NTSR1: variants seen among roughly 807,000 people sequenced by gnomAD.
NTSR1 encodes neurotensin receptor type 1.
Under a neutral mutation model 31.2 loss-of-function variants are expected in NTSR1, and 29 were observed. That is an observed-to-expected ratio of 0.93 (90% CI 0.69 to 1.27). NTSR1 has a LOEUF of 1.27. Ranked by LOEUF, NTSR1 falls within the 50% of genes most tolerant of loss-of-function variation. The probability of loss-of-function intolerance (pLI) is 0.00; values close to 1 mark genes in which losing one functional copy is unlikely to be tolerated. For missense variants in NTSR1, 697 were observed against 595.4 expected (o/e 1.17, Z -1.78); for synonymous variants, 282 against 269.9 (o/e 1.04, Z -0.44).
rs528517028 is a variant in NTSR1, at chr20:62,734,338, C to T, written c.715-20347C>T. Among the ~76,000 whole-genome samples, 102 of 152,026 alleles carry T rather than the reference C, an allele frequency of 6.7e-4. 1 individual carries two copies. Among genetic ancestry groups the T allele is most frequent in the African/African-American group, 2.3e-3 (95 of 41,488 alleles). ...AAATCTTGGCTCAGCTCTTGGGCTT[C>T]GGTGCAGTAGGGGCTTTGTGGCCGA... On this transcript the variant is annotated intron_variant, in intron 1 of 3. Transcript: ENST00000370501.
At chr20:62,735,037 GC>G (rs1989065295) in intron 1 of NTSR1, among the ~76,000 whole-genome samples, 1 of 152,308 alleles carries the variant, frequency 6.6e-6, no homozygotes, top group East Asian at 1.9e-4. Flanking sequence ...CCAGGCACCA[GC>G]CGGTGCTGAG....
intron 1 of NTSR1, among the ~76,000 whole-genome samples, chr20:62,712,627 G>A (rs555930432): frequency 9.2e-5 from 14 of 152,196 alleles, no homozygotes; most frequent in African/African-American, 3.4e-4. Flanking sequence ...CCTCCCAAAG[G>A]CCCCAGACCT....
At chr20:62,734,136 C>T (rs925881657) in intron 1 of NTSR1, among the ~76,000 whole-genome samples, 2 of 152,102 alleles carry the variant, frequency 1.3e-5, no homozygotes, top group Admixed American at 6.5e-5. Context: ...TTGTCCCCTG[C>T]GCAGCCTCCT....
intron 2 of NTSR1, among the ~76,000 whole-genome samples, chr20:62,756,904 T>C (rs755041597): frequency 2.0e-5 from 3 of 152,278 alleles, no homozygotes; most frequent in Non-Finnish European, 4.4e-5. Context: ...TTTGGAGAAA[T>C]GTCTGAGTCC....
At chr20:62,754,909 A>T (rs1989458534) in intron 2 of NTSR1, 23 bp downstream of exon 2, 1 of 1,562,288 alleles carries the variant, frequency 6.4e-7, no homozygotes, top group Non-Finnish European at 8.6e-7. Flanking sequence ...TGGGCCCTCC[A>T]GGGGCGGGAG....
rs538209291 is a variant in NTSR1, at chr20:62,736,936, C to CAA, written c.715-17749_715-17748insAA. Reference sequence around the variant, plus strand: ...TGGTTTTAGAAGCGTCTGGCGTTTGCCCTGCTGTCACTCACACCGTCCTGC... The same window carrying CAA: ...TGGTTTTAGAAGCGTCTGGCGTTTGCAACCTGCTGTCACTCACACCGTCCTGC... On this transcript the variant is annotated intron_variant, in intron 1 of 3. Transcript: ENST00000370501. Among the ~76,000 whole-genome samples the CAA allele has an allele frequency of 7.5e-4, 114 of 152,310 alleles. 1 individual carries two copies. The South Asian group carries it at 0.023, about 31-fold the overall frequency.
At chr20:62,717,197 G>A (rs1029217569) in intron 1 of NTSR1, among the ~76,000 whole-genome samples, 7 of 152,348 alleles carry the variant, frequency 4.6e-5, no homozygotes, top group Middle Eastern at 3.4e-3. Flanking sequence ...GGAGTGCCAC[G>A]TGGACCTGGC....
rs576016818 is a variant in NTSR1 at position 62,714,319 on chromosome 20, T to C, written c.714+4398T>C. Among the ~76,000 whole-genome samples, 1 of 152,306 alleles carries C rather than the reference T, an allele frequency of 6.6e-6. No individual in the cohort carries two copies. The highest frequency in any genetic ancestry group is 2.1e-4 in the South Asian group (1 of 4,826). On this transcript the variant is annotated intron_variant, in intron 1 of 3. Transcript: ENST00000370501. The surrounding 1 kb of genome is among the most constrained non-coding windows in gnomAD (Gnocchi z 4.1). ...CCTCCAGTCTGAGCCCATGACCCTT[T>C]AGAGGAAAGGAATGGAGTATTTTTC... is the stretch of plus-strand genomic sequence containing the variant.
intron 1 of NTSR1, among the ~76,000 whole-genome samples, chr20:62,727,133 G>A (rs892657006): frequency 6.6e-6 from 1 of 152,172 alleles, no homozygotes; most frequent in Non-Finnish European, 1.5e-5. Flanking sequence ...CTGGGAAGCG[G>A]GTTGCCTGCA....
At chr20:62,759,183 G>A (rs1989566169) in intron 3 of NTSR1, among the ~76,000 whole-genome samples, 1 of 152,230 alleles carries the variant, frequency 6.6e-6, no homozygotes, top group African/African-American at 2.4e-5. Flanking sequence ...GACCAATGAG[G>A]AGGAGAAGGC....
chr20:62,723,468 G>A (rs1988856456), intron 1 of NTSR1, among the ~76,000 whole-genome samples: 1 of 152,230 alleles, frequency 6.6e-6, no homozygotes, highest in Admixed American at 6.5e-5. Context: ...ACGCTCATTT[G>A]TCCACCTGTC....
chr20:62,710,137 C>CT (rs1663791765), intron 1 of NTSR1, among the ~76,000 whole-genome samples: 2 of 152,264 alleles, frequency 1.3e-5, no homozygotes, highest in East Asian at 3.8e-4. Flanking sequence ...GAGCCCCTGC[C>CT]TGTGACCTCT....
At chr20:62,727,189 G>A (rs961080073) in intron 1 of NTSR1, among the ~76,000 whole-genome samples, 11 of 152,188 alleles carry the variant, frequency 7.2e-5, no homozygotes, top group Admixed American at 3.3e-4. Context: ...GCCCGTGAGG[G>A]CTCCGCACTG....
At position 62,711,585 on chromosome 20, in the gene NTSR1, TCCCCGATCCCCCCGCTCAGAA is replaced by T. The variant is rs1227274719; in HGVS notation, c.714+1677_714+1697del. 6.0e-5 allele frequency among the ~76,000 whole-genome samples: 4 copies of T among 67,196 alleles called. No individual in the cohort carries two copies. Among genetic ancestry groups the T allele is most frequent in the Non-Finnish European group, 5.5e-5 (2 of 36,144 alleles). The allele number at this position is 67,196 out of a possible 152,430, so 44.1% of individuals were successfully genotyped here. Reference sequence around the variant, plus strand: ...CAGACCCCCGATCCCCCCGCTCAGATCCCCGATCCCCCCGCTCAGAACCCCGATCCCCCTGCTCCCCTGGCA... The same window carrying T: ...CAGACCCCCGATCCCCCCGCTCAGATCCCCGATCCCCCTGCTCCCCTGGCA... On this transcript the variant is annotated intron_variant, in intron 1 of 3. Coordinates refer to ENST00000370501, the MANE Select transcript of NTSR1 (RefSeq NM_002531.3). This position sits in a 1 kb window ranked among gnomAD's most constrained non-coding sequence, Gnocchi z 6.4.
Position 62,709,364 on chromosome 20 carries a change from G to A in NTSR1, c.157G>A (p.Glu53Lys), listed in dbSNP as rs1243826178. 1.9e-6 allele frequency: 3 copies of A among 1,609,492 alleles called. No individual in the cohort carries two copies. Among genetic ancestry groups the A allele is most frequent in the South Asian group, 1.1e-5 (1 of 90,860 alleles). Residue 53 changes from glutamate (E) to lysine (K), a missense_variant, in exon 1 of 4, where the codon GAG becomes AAG. By Grantham distance (56) the Glu-to-Lys change is moderately conservative (BLOSUM62 1). Transcript: ENST00000370501. ...GCGCGTCCTGGCGGCACCCAGCAGCGAGCTGGACGTGAACACCGACATCTA... is the reference window on the plus strand; with the variant it reads ...GCGCGTCCTGGCGGCACCCAGCAGCAAGCTGGACGTGAACACCGACATCTA... ...SERVLAAPSS[E>K]LDVNTDIYSK...
chr20:62,732,735 A>C lies in NTSR1; in HGVS notation c.715-21950A>C, dbSNP rs1568701819. The C allele has an allele frequency of 6.6e-6, 1 of 152,176 alleles. No homozygotes were observed. 9.4% of individuals were successfully genotyped at this position (152,176 alleles called of 1,614,324 possible). Reference sequence around the variant, plus strand: ...GCCGGCCTCGTAGAGTGAGTTATAAAGTGTTCCTCTGCTTCTATTTCCTGG... The same window carrying C: ...GCCGGCCTCGTAGAGTGAGTTATAACGTGTTCCTCTGCTTCTATTTCCTGG... On this transcript the variant is annotated intron_variant, in intron 1 of 3. Coordinates refer to ENST00000370501, the MANE Select transcript of NTSR1 (RefSeq NM_002531.3). This position sits in a 1 kb window ranked among gnomAD's most constrained non-coding sequence, Gnocchi z 4.0.
chr20:62,717,909 C>CG (rs1433919365), intron 1 of NTSR1, among the ~76,000 whole-genome samples: 5 of 152,096 alleles, frequency 3.3e-5, no homozygotes, highest in Non-Finnish European at 7.3e-5. Context: ...CAAGGAGTAA[C>CG]GAGAGCCGCA....
intron 1 of NTSR1, among the ~76,000 whole-genome samples, chr20:62,717,485 T>C (rs1050278770): frequency 3.3e-5 from 5 of 152,114 alleles, no homozygotes; most frequent in Non-Finnish European, 7.4e-5. Flanking sequence ...TCTGGGCAAA[T>C]GGTGTGACCA....
rs542553109 is a variant in NTSR1, at chr20:62,714,253, G to A, written c.714+4332G>A. Among the ~76,000 whole-genome samples, 2 of 152,372 alleles carry A rather than the reference G, an allele frequency of 1.3e-5. No homozygotes were observed. Among genetic ancestry groups the A allele is most frequent in the East Asian group, 3.9e-4 (2 of 5,188 alleles). ...ACAGTGTCCTCACCTGCAGCGCAGG[G>A]CATAGAGGGCTGTTGGTGTGGGGCC... On this transcript the variant is annotated intron_variant, in intron 1 of 3. Transcript: ENST00000370501. The surrounding 1 kb of genome is among the most constrained non-coding windows in gnomAD (Gnocchi z 4.1).
Sources: gnomAD v4.1 joint callset for allele counts (sites outside exome capture counted in the v4.1 genomes callset) on GRCh38, gnomAD v4.1.1 for gene constraint, Gnocchi (gnomAD v3.1) non-coding constraint, MANE v1.5 for transcripts, NCBI Gene and HGNC (gene_info 2026-07-23, HGNC 2026-07-21) for gene names.